The following NR2F1-AS1 variants were observed in gnomAD, a reference collection of about 807,000 sequenced individuals.
NR2F1-AS1 encodes NR2F1 regulatory antisense RNA 1.
chr5:93,496,989 A>G (rs773156256), intron 4 of NR2F1-AS1, among the ~76,000 whole-genome samples: 2 of 152,232 alleles, frequency 1.3e-5, no homozygotes, highest in Admixed American at 6.5e-5. Flanking sequence ...GCATGCAGAG[A>G]AAGCTGAATG....
intron 1 of NR2F1-AS1, among the ~76,000 whole-genome samples, chr5:93,568,659 G>C (rs1383675460): frequency 1.3e-5 from 2 of 152,092 alleles, no homozygotes; most frequent in Admixed American, 1.3e-4. Flanking sequence ...CTCAATTTTT[G>C]AGTGGCATGT....
chr5:93,524,686 G>C (rs1405918243), intron 4 of NR2F1-AS1, among the ~76,000 whole-genome samples: 1 of 152,174 alleles, frequency 6.6e-6, no homozygotes, highest in Admixed American at 6.5e-5. Context: ...AGCCAGAAGA[G>C]AGTGGGGTCC....
chr5:93,442,402 C>A (rs774671252), intron 4 of NR2F1-AS1, among the ~76,000 whole-genome samples: 1 of 152,190 alleles, frequency 6.6e-6, no homozygotes, highest in Non-Finnish European at 1.5e-5. Flanking sequence ...TATCCTGCAC[C>A]TGGCTCGGAG....
chr5:93,556,961 G>C (rs1352978095), intron 2 of NR2F1-AS1, among the ~76,000 whole-genome samples: 1 of 152,120 alleles, frequency 6.6e-6, no homozygotes, highest in South Asian at 2.1e-4. Context: ...AAAAACATTT[G>C]TAAGATTACA....
At chr5:93,504,126 T>C (rs1185856961) in intron 4 of NR2F1-AS1, among the ~76,000 whole-genome samples, 1 of 152,170 alleles carries the variant, frequency 6.6e-6, no homozygotes, top group Non-Finnish European at 1.5e-5. Context: ...CCTCTAAATA[T>C]GGCAAATACT....
At chr5:93,583,962 A>G (rs1044739170), upstream of NR2F1-AS1, 7 of 151,856 alleles carry the variant, frequency 4.6e-5, no homozygotes, top group Admixed American at 4.6e-4. Context: ...CAACAAAAAG[A>G]GCAAAGTGTG....
intron 4 of NR2F1-AS1, among the ~76,000 whole-genome samples, chr5:93,448,163 C>T (rs1197125889): frequency 6.6e-6 from 1 of 152,034 alleles, no homozygotes; most frequent in African/African-American, 2.4e-5. Flanking sequence ...CAAGCCTGCA[C>T]ATTGTGCACA....
intron 4 of NR2F1-AS1, among the ~76,000 whole-genome samples, chr5:93,526,251 A>G (rs913746977): frequency 2.6e-5 from 4 of 152,206 alleles, no homozygotes; most frequent in African/African-American, 9.6e-5. Flanking sequence ...TAGAAAATCT[A>G]GAAGAAATGG....
intron 4 of NR2F1-AS1, among the ~76,000 whole-genome samples, chr5:93,506,092 C>T (rs752520415): frequency 3.3e-5 from 5 of 152,274 alleles, no homozygotes; most frequent in Middle Eastern, 3.4e-3. Flanking sequence ...ATTTCTTCTT[C>T]CAGATACCCC....
At chr5:93,461,806 G>C (rs563907232) in intron 4 of NR2F1-AS1, among the ~76,000 whole-genome samples, 6 of 152,220 alleles carry the variant, frequency 3.9e-5, no homozygotes, top group African/African-American at 1.4e-4. Context: ...ATAGAAGTAG[G>C]CTCTTCTGAT....
chr5:93,450,459 G>A (rs182154623), intron 4 of NR2F1-AS1, among the ~76,000 whole-genome samples: 1 of 152,038 alleles, frequency 6.6e-6, no homozygotes, highest in African/African-American at 2.4e-5. Context: ...TTGGTAATTT[G>A]GTTTAAACTG....
At chr5:93,425,826 T>G (rs983314297) in intron 4 of NR2F1-AS1, among the ~76,000 whole-genome samples, 10 of 152,032 alleles carry the variant, frequency 6.6e-5, no homozygotes, top group African/African-American at 2.4e-4. Context: ...TAATGTCTTA[T>G]AAAGTCTCTC....
intron 4 of NR2F1-AS1, among the ~76,000 whole-genome samples, chr5:93,450,914 CAAA>C (rs60895927): frequency 0.033 from 1,782 of 53,860 alleles, 25 homozygotes; most frequent in African/African-American, 0.084. Context: ...GAATCTGCTT[CAAA>C]AAAAAAAAAA....
intron 2 of NR2F1-AS1, among the ~76,000 whole-genome samples, chr5:93,558,666 C>T (rs1752418386): frequency 6.6e-6 from 1 of 152,190 alleles, no homozygotes; most frequent in African/African-American, 2.4e-5. Flanking sequence ...GTTGAAATTA[C>T]TCCTTGATCT....
intron 4 of NR2F1-AS1, among the ~76,000 whole-genome samples, chr5:93,420,558 T>A (rs1749068031): frequency 6.6e-6 from 1 of 151,990 alleles, no homozygotes; most frequent in South Asian, 2.1e-4. Flanking sequence ...GAAAGAAGGC[T>A]GGGAGCAGGG....
chr5:93,552,013 C>A (rs1303466148), intron 4 of NR2F1-AS1, among the ~76,000 whole-genome samples: 1 of 152,250 alleles, frequency 6.6e-6, no homozygotes, highest in Non-Finnish European at 1.5e-5. Context: ...CTAGAATCAC[C>A]TTTTCTTTCC....
chr5:93,432,353 C>T (rs1436064309), intron 4 of NR2F1-AS1: 1 of 152,132 alleles, frequency 6.6e-6, no homozygotes, highest in African/African-American at 2.4e-5. Flanking sequence ...TGCATATTTT[C>T]CAAGTACTTA....
chr5:93,563,046 G>A (rs1206986220), intron 2 of NR2F1-AS1, among the ~76,000 whole-genome samples: 1 of 152,188 alleles, frequency 6.6e-6, no homozygotes, highest in African/African-American at 2.4e-5. Context: ...TACTGGCTGT[G>A]TCAATGGAAA....
intron 4 of NR2F1-AS1, among the ~76,000 whole-genome samples, chr5:93,491,788 C>T (rs1413335043): frequency 6.6e-6 from 1 of 152,196 alleles, no homozygotes; most frequent in African/African-American, 2.4e-5. Context: ...CTGGTAGCCT[C>T]CCCAGTTCTC....
Sources: gnomAD v4.1 joint callset for allele counts (sites outside exome capture counted in the v4.1 genomes callset) on GRCh38, gnomAD v4.1.1 for gene constraint, MANE v1.5 for transcripts, NCBI Gene and HGNC (gene_info 2026-07-23, HGNC 2026-07-21) for gene names.